The following LINGO1 variants were observed in gnomAD, a reference collection of about 807,000 sequenced individuals.
The protein encoded by LINGO1 is leucine rich repeat and Ig domain containing 1, also known as leucine-rich repeat and immunoglobulin-like domain-containing nogo receptor-interacting protein 1.
In LINGO1, 11 loss-of-function variants were observed where a neutral mutation model predicts 37.3. The ratio of observed to expected loss-of-function variants is 0.29; its 90% CI spans 0.19 to 0.49. The LOEUF (loss-of-function observed/expected upper bound fraction) is 0.49, where lower values mean the gene tolerates loss of function less well. Among genes scored for constraint, LINGO1 ranks in the 20% least tolerant of loss-of-function variants. The pLI is 0.99. For synonymous variants in LINGO1, 387 were observed against 403.0 expected (o/e 0.96, Z 0.48); for missense variants, 585 against 878.2 (o/e 0.67, Z 4.22).
At chr15:77,678,691 T>C (rs931509939) in intron 2 of LINGO1, among the ~76,000 whole-genome samples, 2 of 152,206 alleles carry the variant, frequency 1.3e-5, no homozygotes, top group African/African-American at 4.8e-5. Context: ...AACAGTAGGA[T>C]TGCTGAGTTG....
intron 1 of LINGO1, among the ~76,000 whole-genome samples, chr15:77,623,198 C>A (rs774876351): frequency 6.6e-6 from 1 of 152,208 alleles, no homozygotes; most frequent in Admixed American, 6.5e-5. Flanking sequence ...GCTGTGTGAG[C>A]TCAGGCTGAA....
intron 1 of LINGO1, among the ~76,000 whole-genome samples, chr15:77,743,509 C>T (rs2076284958): frequency 6.6e-6 from 1 of 152,184 alleles, no homozygotes; most frequent in South Asian, 2.1e-4. Context: ...GACCCCCAGT[C>T]TAAAGAGGGT....
intron 1 of LINGO1, among the ~76,000 whole-genome samples, chr15:77,798,310 A>G (rs1167010568): frequency 3.6e-4 from 55 of 152,240 alleles, no homozygotes; most frequent in Admixed American, 3.6e-3. Flanking sequence ...CAAGCCAGTC[A>G]GGCCCAGGCC....
intron 2 of LINGO1, among the ~76,000 whole-genome samples, chr15:77,794,571 C>CATAT (rs1180875809): frequency 2.3e-5 from 1 of 43,338 alleles, no homozygotes; most frequent in Non-Finnish European, 4.9e-5. Context: ...TACACACACA[C>CATAT]ATATATATAT....
At chr15:77,812,944 G>A (rs2077017837) in intron 1 of LINGO1, among the ~76,000 whole-genome samples, 1 of 152,110 alleles carries the variant, frequency 6.6e-6, no homozygotes, top group South Asian at 2.1e-4. Flanking sequence ...CAGGCCTAAG[G>A]GACTACCCAA....
At chr15:77,617,462 C>T (rs2073767995) in intron 1 of LINGO1, among the ~76,000 whole-genome samples, 1 of 152,208 alleles carries the variant, frequency 6.6e-6, no homozygotes, top group African/African-American at 2.4e-5. Flanking sequence ...CTGCAGCCTC[C>T]AGTGCCCCTG....
chr15:77,615,118 G>A lies in LINGO1; in HGVS notation c.789C>T (p.Leu263=). Residue 263 remains leucine, a synonymous_variant, in exon 2 of 2, where the codon CTC becomes CTT. Transcript: ENST00000355300. The part of the protein sequence containing the change: ...DTMTPNCLYG[L]NLTSLSITHC... The stretch of plus-strand genomic sequence containing the variant: ...GTGTGATGGACAGGGACGTCAGGTT[G>A]AGGCCGTAGAGGCAGTTGGGTGTCA... 1.2e-6 allele frequency: 2 copies of A among 1,614,038 alleles called. No homozygotes were observed. The highest frequency in any genetic ancestry group is 2.2e-5 in the South Asian group (2 of 91,080).
intron 1 of LINGO1, among the ~76,000 whole-genome samples, chr15:77,748,855 C>CTTATTTAT (rs71145856): frequency 0.015 from 1,933 of 128,750 alleles, 36 homozygotes; most frequent in African/African-American, 0.022. Context: ...GGCCCCTAGC[C>CTTATTTAT]TTATTTATTT....
chr15:77,664,172 C>CGTGTGT (rs1567503103), intron 3 of LINGO1, among the ~76,000 whole-genome samples: 1 of 77,592 alleles, frequency 1.3e-5, no homozygotes, highest in African/African-American at 7.2e-5. Context: ...TGTGTGTGTG[C>CGTGTGT]GCGCGCGCAT....
intron 2 of LINGO1, among the ~76,000 whole-genome samples, chr15:77,717,353 C>T (rs1402426004): frequency 2.7e-5 from 4 of 150,650 alleles, no homozygotes; most frequent in Non-Finnish European, 4.4e-5. Context: ...AGCCCCCAGG[C>T]GGGCAGAGGT....
intron 1 of LINGO1, among the ~76,000 whole-genome samples, chr15:77,799,381 TCTGAGTTTCCCCAA>T (rs1477286062): frequency 6.6e-6 from 1 of 152,118 alleles, no homozygotes; most frequent in Non-Finnish European, 1.5e-5. Flanking sequence ...CTAAGAGACC[TCTGAGTTTCCCCAA>T]CTTTTCTCCC....
intron 1 of LINGO1, among the ~76,000 whole-genome samples, chr15:77,798,369 G>A (rs773135157): frequency 2.0e-5 from 3 of 152,224 alleles, no homozygotes; most frequent in African/African-American, 4.8e-5. Flanking sequence ...CCTGGCTGGC[G>A]GCCCTGAGCC....
At position 77,632,460 on chromosome 15, in the gene LINGO1, G is replaced by C. The variant is rs911583213; in HGVS notation, c.-145C>G. The C allele has an allele frequency of 1.2e-6, 1 of 865,254 alleles. No homozygotes were observed. Among genetic ancestry groups the C allele is most frequent in the African/African-American group, 1.8e-5 (1 of 56,850 alleles). 53.6% of individuals were successfully genotyped at this position (865,254 alleles called of 1,614,324 possible). A position where few individuals can be genotyped will look rare whatever the true frequency, so the allele number is the denominator to read the frequency against. Reference sequence around the variant, plus strand: ...CGCCCGGCAGTCCGCGCGCCCTCGCGGGGCTGGCTGTCCGTCTGTCCGCCC... The same window carrying C: ...CGCCCGGCAGTCCGCGCGCCCTCGCCGGGCTGGCTGTCCGTCTGTCCGCCC... On this transcript the variant is annotated 5_prime_UTR_variant, in exon 1 of 2. Transcript: ENST00000355300. The surrounding 1 kb of genome is among the most constrained non-coding windows in gnomAD (Gnocchi z 6.0).
At position 77,614,750 on chromosome 15, in the gene LINGO1, C is replaced by T. The variant is rs1315723010; in HGVS notation, c.1157G>A (p.Arg386Gln). The change falls in exon 2 of 2, where the codon CGG becomes CAG. Residue 386 changes from arginine to glutamine, a missense_variant. Physicochemically the swap from Arg to Gln is conservative, Grantham distance 43 (BLOSUM62 1). Coordinates refer to ENST00000355300, the MANE Select transcript of LINGO1 (RefSeq NM_032808.7). ...RLLWVFRRRW[R>Q]LNFNRQQPTC... ...GGGCTGCTGCCGGTTGAAGTTGAGCCGCCAGCGGCGCCGGAACACCCACAG... is the reference window on the plus strand; with the variant it reads ...GGGCTGCTGCCGGTTGAAGTTGAGCTGCCAGCGGCGCCGGAACACCCACAG... 4 of 1,605,816 alleles carry T rather than the reference C, an allele frequency of 2.5e-6. No homozygotes were observed. The highest frequency in any genetic ancestry group is 3.4e-6 in the Non-Finnish European group (4 of 1,176,342).
chr15:77,769,357 T>C (rs2076561043), intron 1 of LINGO1, among the ~76,000 whole-genome samples: 1 of 152,072 alleles, frequency 6.6e-6, no homozygotes, highest in African/African-American at 2.4e-5. Context: ...CTACCCACAG[T>C]AATTAGCTTC....
At chr15:77,796,066 AG>A (rs1454471035) in intron 1 of LINGO1, 2 of 152,390 alleles carry the variant, frequency 1.3e-5, no homozygotes, top group Non-Finnish European at 2.9e-5. Flanking sequence ...GTGGGGAGAA[AG>A]AAGAGGTGGC....
chr15:77,820,222 G>A (rs1322346806), intron 1 of LINGO1: 1 of 152,200 alleles, frequency 6.6e-6, no homozygotes, highest in African/African-American at 2.4e-5. Context: ...GCCGCTGACA[G>A]CTCTCATCTC....
chr15:77,666,228 C>T (rs1332917152), intron 3 of LINGO1, among the ~76,000 whole-genome samples: 1 of 152,226 alleles, frequency 6.6e-6, no homozygotes, highest in Non-Finnish European at 1.5e-5. Context: ...AGTGGGTGTT[C>T]CTTGGTGGGC....
At position 77,630,503 on chromosome 15, in the gene LINGO1, G is replaced by A. The variant is rs371031489; in HGVS notation, c.6+1807C>T. Among the ~76,000 whole-genome samples the A allele has an allele frequency of 1.2e-4, 18 of 152,300 alleles. No homozygotes were observed. The East Asian group carries it at 3.3e-3, about 28-fold the overall frequency. Reference sequence around the variant, plus strand: ...TTAGAAAACAATACCCAATATAGGAGAAATGGATGCCCAGAGGACAGAGGA... The same window carrying A: ...TTAGAAAACAATACCCAATATAGGAAAAATGGATGCCCAGAGGACAGAGGA... On this transcript the variant is annotated intron_variant, in intron 1 of 1. Transcript: ENST00000355300.
Sources: gnomAD v4.1 joint callset for allele counts (sites outside exome capture counted in the v4.1 genomes callset) on GRCh38, gnomAD v4.1.1 for gene constraint, Gnocchi (gnomAD v3.1) non-coding constraint, MANE v1.5 for transcripts, NCBI Gene and HGNC (gene_info 2026-07-23, HGNC 2026-07-21) for gene names.